The following CNTNAP2 variants were observed in gnomAD, a reference collection of about 807,000 sequenced individuals.
CNTNAP2 encodes contactin-associated protein-like 2.
A neutral mutation model predicts 155.2 loss-of-function variants in CNTNAP2; 98 were observed. The observed-to-expected ratio is 0.63, with a 90% CI of 0.54 to 0.75. CNTNAP2 has a LOEUF of 0.75. Ranked by LOEUF, CNTNAP2 falls within the 30% of genes least tolerant of loss-of-function variation. The pLI is 0.00. For synonymous variants in CNTNAP2, 651 were observed against 631.2 expected, an observed-to-expected ratio of 1.03 and a Z score of -0.47; for missense variants, 1,727 against 1,688.1, an observed-to-expected ratio of 1.02 and a Z score of -0.40.
intron 13 of CNTNAP2, among the ~76,000 whole-genome samples, chr7:147,647,580 C>T (rs1206216181): frequency 6.6e-6 from 1 of 152,044 alleles, no homozygotes; most frequent in Non-Finnish European, 1.5e-5. Context: ...GCTTTTCTTG[C>T]TCTTCATTGT....
At chr7:146,355,901 C>T (rs1056088867) in intron 1 of CNTNAP2, among the ~76,000 whole-genome samples, 1 of 152,006 alleles carries the variant, frequency 6.6e-6, no homozygotes, top group African/African-American at 2.4e-5. Context: ...AAGCATTGAT[C>T]TCATCTTTGC....
intron 15 of CNTNAP2, among the ~76,000 whole-genome samples, chr7:148,015,217 A>G (rs2373289): frequency 6.6e-6 from 1 of 151,882 alleles, no homozygotes; most frequent in African/African-American, 2.4e-5. Context: ...GTATTTTTTT[A>G]AAAAAGATGC....
At chr7:147,266,118 C>T (rs998751583) in intron 8 of CNTNAP2, among the ~76,000 whole-genome samples, 23 of 152,136 alleles carry the variant, frequency 1.5e-4, no homozygotes, top group Admixed American at 1.1e-3. Flanking sequence ...AGCAAGGACA[C>T]AGAACTGGGT....
chr7:146,126,093 A>G (rs1797631934), intron 1 of CNTNAP2, among the ~76,000 whole-genome samples: 1 of 152,214 alleles, frequency 6.6e-6, no homozygotes, highest in African/African-American at 2.4e-5. Flanking sequence ...TCAGAGACAC[A>G]TGGAGAAGTA....
intron 15 of CNTNAP2, among the ~76,000 whole-genome samples, chr7:148,109,183 T>G (rs962820614): frequency 2.0e-5 from 3 of 152,180 alleles, no homozygotes; most frequent in African/African-American, 7.2e-5. Context: ...TGATCTTTTG[T>G]TTTGTGCCTA....
intron 15 of CNTNAP2, among the ~76,000 whole-genome samples, chr7:148,042,280 A>T (rs2116480416): frequency 6.6e-6 from 1 of 152,350 alleles, no homozygotes; most frequent in Non-Finnish European, 1.5e-5. Flanking sequence ...TCATCTTGCA[A>T]ACCCAAACTC....
At chr7:147,878,254 T>C in intron 13 of CNTNAP2, among the ~76,000 whole-genome samples, 1 of 152,062 alleles carries the variant, frequency 6.6e-6, no homozygotes, top group Non-Finnish European at 1.5e-5. Flanking sequence ...GAACACCTAG[T>C]AATTGTTCAG....
At chr7:146,871,608 T>C (rs1795309708) in intron 3 of CNTNAP2, among the ~76,000 whole-genome samples, 1 of 151,960 alleles carries the variant, frequency 6.6e-6, no homozygotes, top group Non-Finnish European at 1.5e-5. Context: ...AATGATAGGC[T>C]AGAAAGAGTA....
intron 18 of CNTNAP2, among the ~76,000 whole-genome samples, chr7:148,173,547 A>G (rs1440358755): frequency 1.3e-5 from 2 of 152,268 alleles, no homozygotes; most frequent in South Asian, 2.1e-4. Flanking sequence ...TGGCAGCGCT[A>G]TAATATGAGC....
chr7:146,986,179 A>G (rs1798111980), intron 3 of CNTNAP2, among the ~76,000 whole-genome samples: 1 of 152,066 alleles, frequency 6.6e-6, no homozygotes, highest in African/African-American at 2.4e-5. Flanking sequence ...ATGAGTCCCT[A>G]AAGTCCGTTG....
chr7:146,344,740 A>C (rs1794794366), intron 1 of CNTNAP2, among the ~76,000 whole-genome samples: 1 of 152,196 alleles, frequency 6.6e-6, no homozygotes, highest in Non-Finnish European at 1.5e-5. Context: ...GGCCTCCCAA[A>C]GTGCTGGATT....
rs889239940 is a variant in CNTNAP2, at chr7:148,029,759, G to A, written c.2383+51770G>A. Among the ~76,000 whole-genome samples, 8 of 152,072 alleles carry A rather than the reference G, an allele frequency of 5.3e-5. No individual in the cohort carries two copies. In the South Asian group the frequency reaches 6.2e-4, roughly 12 times the overall value. ...CACCACATATAAATTTGTAGAATAG[G>A]GTCTTAGTGCTTAGCTCTGTGAGAA... is the stretch of plus-strand genomic sequence containing the variant. On this transcript the variant is annotated intron_variant, in intron 15 of 23. Coordinates refer to ENST00000361727, the MANE Select transcript of CNTNAP2 (RefSeq NM_014141.6).
intron 1 of CNTNAP2, among the ~76,000 whole-genome samples, chr7:146,577,474 C>G (rs975081815): frequency 2.0e-5 from 3 of 152,012 alleles, no homozygotes; most frequent in African/African-American, 7.2e-5. Context: ...TATCAAGAAT[C>G]CAACATGTAG....
At chr7:148,066,632 G>A (rs1302945193) in intron 15 of CNTNAP2, among the ~76,000 whole-genome samples, 3 of 151,700 alleles carry the variant, frequency 2.0e-5, no homozygotes, top group Non-Finnish European at 4.4e-5. Context: ...CGAGTAGCTG[G>A]GACTACAGGC....
At chr7:146,941,528 C>A (rs184558607) in intron 3 of CNTNAP2, among the ~76,000 whole-genome samples, 1 of 151,978 alleles carries the variant, frequency 6.6e-6, no homozygotes, top group Non-Finnish European at 1.5e-5. Flanking sequence ...ATTTACACAC[C>A]GCCATTATAG....
intron 12 of CNTNAP2, among the ~76,000 whole-genome samples, chr7:147,590,013 T>C (rs1257640916): frequency 2.0e-5 from 3 of 152,178 alleles, no homozygotes; most frequent in Non-Finnish European, 2.9e-5. Flanking sequence ...TGGCAGCTAC[T>C]GAACTCTGTC....
intron 9 of CNTNAP2, among the ~76,000 whole-genome samples, chr7:147,318,781 T>C (rs1795285872): frequency 6.6e-6 from 1 of 152,146 alleles, no homozygotes; most frequent in African/African-American, 2.4e-5. Flanking sequence ...TGTACAGCTA[T>C]GTAATAAACC....
intron 1 of CNTNAP2, among the ~76,000 whole-genome samples, chr7:146,748,402 C>T (rs144214845): frequency 6.6e-6 from 1 of 152,030 alleles, no homozygotes; most frequent in Non-Finnish European, 1.5e-5. Flanking sequence ...TCCTTGGCCT[C>T]CCAAAGTGCT....
intron 1 of CNTNAP2, among the ~76,000 whole-genome samples, chr7:146,569,548 C>G (rs2129145836): frequency 6.6e-6 from 1 of 152,284 alleles, no homozygotes; most frequent in South Asian, 2.1e-4. Flanking sequence ...CTTTCCAACG[C>G]TCTGATTATT....
Sources: allele counts gnomAD v4.1 joint callset (sites outside exome capture counted in the v4.1 genomes callset), GRCh38; gene constraint gnomAD v4.1.1; transcripts MANE v1.5; gene names NCBI Gene and HGNC (gene_info 2026-07-23, HGNC 2026-07-21).